Variants in SLC4A1AP observed in about 807,000 individuals in gnomAD.
SLC4A1AP encodes the protein kanadaptin.
In SLC4A1AP, 64 loss-of-function variants were observed where a neutral mutation model predicts 89.7. The observed-to-expected ratio is 0.71, with a 90% CI of 0.58 to 0.88. The LOEUF is 0.88. SLC4A1AP is among the 40% of genes least tolerant of loss of function. The pLI is 0.00. For missense variants in SLC4A1AP, 931 were observed against 965.0 expected (o/e 0.96, Z 0.47); for synonymous variants, 366 against 353.3 (o/e 1.04, Z -0.40).
At position 27,688,032 on chromosome 2, in the gene SLC4A1AP, G is replaced by A. The variant is rs369419476; in HGVS notation, c.2203+12G>A. 1.8e-4 allele frequency: 290 copies of A among 1,610,228 alleles called. 1 individual carries two copies. The highest frequency in any genetic ancestry group is 5.3e-4 in the Admixed American group (32 of 59,902). The stretch of plus-strand genomic sequence containing the variant: ...CGCAGGACCCTCAGGCAAGTAGTAC[G>A]GCAGCCTTCATTGCTGCTCTGCACA... On this transcript the variant is annotated intron_variant, in intron 11 of 13. Coordinates refer to ENST00000613058, the Ensembl canonical transcript of SLC4A1AP.
At chr2:27,672,630 T>C (rs760518980) in intron 5 of SLC4A1AP, among the ~76,000 whole-genome samples, 5 of 152,216 alleles carry the variant, frequency 3.3e-5, no homozygotes, top group Non-Finnish European at 7.3e-5. Context: ...TTAGGTGTCA[T>C]GTAATTCTTC....
chr2:27,677,979 T>C, intron 8 of SLC4A1AP, 55 bp downstream of exon 8: 1 of 1,167,764 alleles, frequency 8.6e-7, no homozygotes, highest in South Asian at 1.6e-5. Context: ...TAGATAACAT[T>C]TTCAATTATC....
intron 5 of SLC4A1AP, among the ~76,000 whole-genome samples, chr2:27,672,296 T>A (rs1675437602): frequency 6.6e-6 from 1 of 151,766 alleles, no homozygotes; most frequent in African/African-American, 2.4e-5. Flanking sequence ...CCATTTAAGT[T>A]TTTTTTCTTC....
Position 27,685,107 on chromosome 2 carries a change from A to AG in SLC4A1AP, c.1948dup (p.Glu650GlyfsTer16). On this transcript the variant is annotated frameshift_variant, in exon 10 of 14. Coordinates refer to ENST00000613058, the Ensembl canonical transcript of SLC4A1AP. LOFTEE classifies it high-confidence loss of function. Reference sequence around the variant, plus strand: ...ATGAAAGATGAGCCTGAAGTAGAAGAGGAGGAGGAAGAGGAAGAGGAAGAA... The same window carrying AG: ...ATGAAAGATGAGCCTGAAGTAGAAGAGGGAGGAGGAAGAGGAAGAGGAAGAA... 1 of 1,613,648 alleles carries AG rather than the reference A, an allele frequency of 6.2e-7. No individual in the cohort carries two copies. The highest frequency in any genetic ancestry group is 8.5e-7 in the Non-Finnish European group (1 of 1,179,660).
At chr2:27,666,294 A>C (rs2148130015) in intron 2 of SLC4A1AP, among the ~76,000 whole-genome samples, 1 of 137,934 alleles carries the variant, frequency 7.2e-6, no homozygotes, top group African/African-American at 2.6e-5. Context: ...TTATTTTAGT[A>C]GAGATGGGGT....
chr2:27,686,829 C>T (rs1675711226), intron 10 of SLC4A1AP, among the ~76,000 whole-genome samples: 1 of 152,048 alleles, frequency 6.6e-6, no homozygotes, highest in South Asian at 2.1e-4. Context: ...GAGGGATTAC[C>T]CCAGGCCTTT....
At chr2:27,666,977 C>T (rs184521589) in intron 2 of SLC4A1AP, among the ~76,000 whole-genome samples, 1 of 151,892 alleles carries the variant, frequency 6.6e-6, no homozygotes, top group East Asian at 1.9e-4. Context: ...AAGCAATTCT[C>T]CTGCCTCAGC....
intron 9 of SLC4A1AP, 84 bp from the exon 10 acceptor site, chr2:27,684,953 C>T: frequency 1.4e-6 from 2 of 1,453,858 alleles, no homozygotes; most frequent in African/African-American, 2.8e-5. Flanking sequence ...ACATTCAGTA[C>T]ATTTAGACTG....
chr2:27,676,419 T>G (rs1215409580), intron 6 of SLC4A1AP, among the ~76,000 whole-genome samples: 2 of 152,238 alleles, frequency 1.3e-5, no homozygotes, highest in African/African-American at 2.4e-5. Context: ...TGAAAACAAA[T>G]GCCTTGAGCT....
chr2:27,675,750 A>G (rs1379304461), intron 6 of SLC4A1AP, 58 bp downstream of exon 6: 3 of 1,115,712 alleles, frequency 2.7e-6, no homozygotes, highest in Non-Finnish European at 3.7e-6. Context: ...TTAATAACAT[A>G]ATGTATTATT....
exon 6 of SLC4A1AP, chr2:27,675,616 T>G: frequency 1.2e-6 from 2 of 1,611,564 alleles, no homozygotes; most frequent in Non-Finnish European, 1.7e-6. Context: ...AGGACTGGCC[T>G]GATTGAGAAG....
At chr2:27,682,063 A>T (rs1351027866) in intron 8 of SLC4A1AP, among the ~76,000 whole-genome samples, 185 bp from the exon 9 acceptor site, 1 of 152,214 alleles carries the variant, frequency 6.6e-6, no homozygotes, top group African/African-American at 2.4e-5. Context: ...TGTGACAGTC[A>T]GCATTGTTCT....
At chr2:27,676,352 T>G (rs997095936) in intron 6 of SLC4A1AP, among the ~76,000 whole-genome samples, 1 of 152,214 alleles carries the variant, frequency 6.6e-6, no homozygotes, top group Non-Finnish European at 1.5e-5. Context: ...CAGGTATTAA[T>G]TTATAGTAGG....
Position 27,668,776 on chromosome 2 carries a change from T to A in SLC4A1AP, c.1145-67T>A, listed in dbSNP as rs1006003636. The stretch of plus-strand genomic sequence containing the variant: ...GTTCGTATTTAACGTTTGTTCTCAT[T>A]TATCATTGTATCAACTAGTAATTTT... On this transcript the variant is annotated intron_variant, in intron 3 of 13. Coordinates refer to ENST00000613058, the Ensembl canonical transcript of SLC4A1AP. The A allele has an allele frequency of 2.2e-5, 30 of 1,389,042 alleles. No homozygotes were observed. The Admixed American group carries it at 4.9e-4, about 22-fold the overall frequency. The allele number at this position is 1,389,042 out of a possible 1,614,324, so 86.0% of individuals were successfully genotyped here. A position where few individuals can be genotyped will look rare whatever the true frequency, so the allele number is the denominator to read the frequency against.
At chr2:27,685,234 G>C (rs1303078253) in exon 10 of SLC4A1AP, 1 of 1,613,706 alleles carries the variant, frequency 6.2e-7, no homozygotes, top group Non-Finnish European at 8.5e-7. Context: ...AGGAAATGAG[G>C]CCTCCCACAG....
At chr2:27,666,503 T>C (rs534204532) in intron 2 of SLC4A1AP, among the ~76,000 whole-genome samples, 85 of 152,076 alleles carry the variant, frequency 5.6e-4, no homozygotes, top group African/African-American at 1.9e-3. Flanking sequence ...AAGCTGAGTA[T>C]TGGGATTGGT....
chr2:27,663,997 C>T lies in SLC4A1AP; in HGVS notation c.245C>T (p.Ser82Phe), dbSNP rs770316400. Residue 82 changes from serine (S) to phenylalanine (F), a missense_variant, in exon 1 of 14, where the codon TCC becomes TTC. Physicochemically the swap from Ser to Phe is radical, Grantham distance 155 (BLOSUM62 -2). Coordinates refer to ENST00000613058, the Ensembl canonical transcript of SLC4A1AP. ...TTCAAGAAGCCAGCTCTGCCGGTGT[C>T]CCCAGCGGCGCGGAGTAAGGCCCCG... The T allele has an allele frequency of 1.1e-5, 18 of 1,614,090 alleles. No individual in the cohort carries two copies. In the African/African-American group the frequency reaches 1.2e-4, roughly 11 times the overall value.
chr2:27,673,511 T>G (rs1269847509), intron 5 of SLC4A1AP, among the ~76,000 whole-genome samples: 1 of 147,076 alleles, frequency 6.8e-6, no homozygotes, highest in African/African-American at 2.5e-5. Context: ...CTGCCCAGAT[T>G]GGAGTGCAGT....
intron 4 of SLC4A1AP, 80 bp downstream of exon 4, chr2:27,668,983 A>ATT: frequency 1.5e-6 from 2 of 1,343,160 alleles, no homozygotes; most frequent in Non-Finnish European, 2.1e-6. Context: ...ATAACAACCC[A>ATT]AAGAGTAACT....
Sources: gnomAD v4.1 joint callset for allele counts (sites outside exome capture counted in the v4.1 genomes callset) on GRCh38, gnomAD v4.1.1 for gene constraint, MANE v1.5 for transcripts, NCBI Gene and HGNC (gene_info 2026-07-23, HGNC 2026-07-21) for gene names.